Variants in RIPOR2 observed in about 807,000 individuals in gnomAD.
RIPOR2 encodes the protein rho family-interacting cell polarization regulator 2.
In RIPOR2, 39 loss-of-function variants were observed where a neutral mutation model predicts 114.5. That is an observed-to-expected ratio of 0.34 (90% CI 0.26 to 0.44). The LOEUF (loss-of-function observed/expected upper bound fraction) is 0.44. Ranked by LOEUF, RIPOR2 falls within the 20% of genes least tolerant of loss-of-function variation. The probability of loss-of-function intolerance (pLI) is 1.00; values close to 1 mark genes in which losing one functional copy is unlikely to be tolerated. For synonymous variants in RIPOR2, 445 were observed against 484.4 expected (o/e 0.92, Z 1.07); for missense variants, 1,007 against 1,255.1 (o/e 0.80, Z 2.99).
In RIPOR2 at chr6:24,851,167, T is replaced by G. The variant is rs372260656; in HGVS notation, c.760-445A>C. Among the ~76,000 whole-genome samples the G allele has an allele frequency of 2.0e-4, 31 of 152,226 alleles. 1 individual carries two copies. The East Asian group carries it at 3.7e-3, about 18-fold the overall frequency. ...GCCTCAGCCTCCCAAAGTGCTAGGATTACAGACATAAGCCACTGTGCCTGG... is the reference window on the plus strand; with the variant it reads ...GCCTCAGCCTCCCAAAGTGCTAGGAGTACAGACATAAGCCACTGTGCCTGG... On this transcript the variant is annotated intron_variant, in intron 9 of 21. Transcript: ENST00000643898.
At chr6:24,840,785 T>C (rs1457643628) in intron 13 of RIPOR2, 1 of 1,535,250 alleles carries the variant, frequency 6.5e-7, no homozygotes, top group Admixed American at 2.0e-5. Context: ...CCTAGGAATG[T>C]GAAGGAGGGA....
chr6:24,933,025 C>T (rs1285827324), intron 1 of RIPOR2, among the ~76,000 whole-genome samples: 1 of 152,142 alleles, frequency 6.6e-6, no homozygotes. Flanking sequence ...AAATGACTTG[C>T]CCAAGATCCT....
At chr6:24,892,859 T>C (rs1483063193) in intron 1 of RIPOR2, among the ~76,000 whole-genome samples, 6 of 152,202 alleles carry the variant, frequency 3.9e-5, no homozygotes, top group African/African-American at 1.4e-4. Context: ...CATTTTAAGA[T>C]ACTTGGGATG....
upstream of RIPOR2, among the ~76,000 whole-genome samples, chr6:24,938,125 T>C (rs1024416299): frequency 6.6e-6 from 1 of 152,170 alleles, no homozygotes; most frequent in African/African-American, 2.4e-5. Context: ...CCATTGAAGA[T>C]ATAATTAGTT....
At chr6:24,906,369 A>G (rs1394142289) in intron 1 of RIPOR2, among the ~76,000 whole-genome samples, 1 of 152,082 alleles carries the variant, frequency 6.6e-6, no homozygotes, top group Non-Finnish European at 1.5e-5. Flanking sequence ...TTTCCTTTCC[A>G]TTTACCTGTA....
intron 12 of RIPOR2, among the ~76,000 whole-genome samples, chr6:24,846,378 C>T (rs573681427): frequency 7.5e-6 from 1 of 132,506 alleles, no homozygotes; most frequent in South Asian, 2.7e-4. Flanking sequence ...GCAATCATAA[C>T]TCACTGCAGC....
chr6:24,825,385 C>A lies in RIPOR2; in HGVS notation c.2709G>T (p.Leu903=), dbSNP rs751511906. ...GAGCAAGGTCACTCATGGTTTGTAG[C>A]AGTTTTTCATCTCTTAGTGATTGCA... The part of the protein sequence containing the change: ...QTLQSLRDEK[L]LQTMSDLAPS... The change falls in exon 19 of 22, where the codon CTG becomes CTT. Residue 903 remains leucine, a synonymous_variant. Transcript: ENST00000643898. 7 of 1,552,174 alleles carry A rather than the reference C, an allele frequency of 4.5e-6. No homozygotes were observed. The highest frequency in any genetic ancestry group is 6.1e-6 in the Non-Finnish European group (7 of 1,147,074).
At chr6:24,819,604 C>T (rs60182091) in intron 19 of RIPOR2, among the ~76,000 whole-genome samples, 42,991 of 145,810 alleles carry the variant, frequency 0.29, 7,791 homozygotes, top group East Asian at 0.68. Context: ...ACCTCCATCT[C>T]CCGGGTTCAA....
rs1764578480 is a variant in RIPOR2 at position 24,866,170 on chromosome 6, C to CT, written c.502-721dup. On this transcript the variant is annotated intron_variant, in intron 6 of 21. Transcript: ENST00000643898. Reference sequence around the variant, plus strand: ...TTATCTAAATATATCAAACTGAACACTTAAGAACTCAACTCTTTTTCGTGT... The same window carrying CT: ...TTATCTAAATATATCAAACTGAACACTTTAAGAACTCAACTCTTTTTCGTGT... 4.6e-5 allele frequency among the ~76,000 whole-genome samples: 7 copies of CT among 152,258 alleles called. No homozygotes were observed. In the South Asian group the frequency reaches 1.4e-3, roughly 32 times the overall value.
chr6:25,039,166 G>A (rs535035399), intron 1 of RIPOR2, among the ~76,000 whole-genome samples: 1 of 152,322 alleles, frequency 6.6e-6, no homozygotes, highest in Admixed American at 6.5e-5. Flanking sequence ...AAAGAAGACA[G>A]GAAACGTTAT....
chr6:24,820,869 C>CTTTTTTTTTTTTTTT (rs34770819), intron 19 of RIPOR2, among the ~76,000 whole-genome samples: 2 of 84,064 alleles, frequency 2.4e-5, no homozygotes, highest in Non-Finnish European at 4.3e-5. Context: ...GTTTAACACT[C>CTTTTTTTTTTTTTTT]TTTTTTTTTT....
intron 14 of RIPOR2, among the ~76,000 whole-genome samples, chr6:24,838,788 C>T (rs768393323): frequency 1.1e-4 from 16 of 151,690 alleles, no homozygotes; most frequent in Non-Finnish European, 2.1e-4. Context: ...AGCAAGACTA[C>T]GTCTTAAAAA....
chr6:24,999,328 T>C (rs1460605561), intron 1 of RIPOR2, among the ~76,000 whole-genome samples: 1 of 152,182 alleles, frequency 6.6e-6, no homozygotes, highest in Admixed American at 6.5e-5. Flanking sequence ...TCCAAGAACA[T>C]CTATACTTGC....
At chr6:24,998,759 T>C (rs1270594252) in intron 1 of RIPOR2, among the ~76,000 whole-genome samples, 1 of 152,190 alleles carries the variant, frequency 6.6e-6, no homozygotes, top group Non-Finnish European at 1.5e-5. Flanking sequence ...TTTATGACCC[T>C]GGGTTATTGT....
intron 1 of RIPOR2, among the ~76,000 whole-genome samples, chr6:24,992,296 T>C (rs1409065069): frequency 1.3e-5 from 2 of 152,132 alleles, no homozygotes; most frequent in Admixed American, 6.6e-5. Flanking sequence ...GCAGAAGACA[T>C]TACAGGTACT....
intron 1 of RIPOR2, among the ~76,000 whole-genome samples, chr6:24,888,640 T>C (rs1436901072): frequency 6.6e-6 from 1 of 152,216 alleles, no homozygotes; most frequent in Non-Finnish European, 1.5e-5. Context: ...TTAATGGGCA[T>C]GAGGGTCCAG....
chr6:24,979,866 T>C (rs557648281), intron 1 of RIPOR2, among the ~76,000 whole-genome samples: 9 of 152,340 alleles, frequency 5.9e-5, no homozygotes, highest in African/African-American at 2.2e-4. Context: ...CTCTGCAAGA[T>C]ACAAATAGAG....
At chr6:24,837,872 T>C (rs549477926) in intron 14 of RIPOR2, among the ~76,000 whole-genome samples, 11 of 152,280 alleles carry the variant, frequency 7.2e-5, no homozygotes, top group Admixed American at 2.6e-4. Context: ...AACTAGCATC[T>C]TTCAGGGAGA....
At chr6:24,847,617 G>A in intron 12 of RIPOR2, 6 of 1,551,670 alleles carry the variant, frequency 3.9e-6, no homozygotes, top group Non-Finnish European at 3.5e-6. Flanking sequence ...GGTGCAGCTT[G>A]GCAAAGAAAG....
Sources: allele counts gnomAD v4.1 joint callset (sites outside exome capture counted in the v4.1 genomes callset), GRCh38; gene constraint gnomAD v4.1.1; transcripts MANE v1.5; gene names NCBI Gene and HGNC (gene_info 2026-07-23, HGNC 2026-07-21).